Variants in HOOK1 observed in about 807,000 individuals in gnomAD.
HOOK1 encodes hook microtubule tethering protein 1.
HOOK1 carries 60 observed loss-of-function variants against 112.8 expected under a neutral mutation model. That is an observed-to-expected ratio of 0.53 (90% CI 0.43 to 0.66). The LOEUF (loss-of-function observed/expected upper bound fraction) is 0.66, where lower values mean the gene tolerates loss of function less well. Ranked by LOEUF, HOOK1 falls within the 30% of genes least tolerant of loss-of-function variation. The pLI, the probability that HOOK1 is intolerant of heterozygous loss-of-function variation, is 0.00. For missense variants in HOOK1, 770 were observed against 856.0 expected (o/e 0.90, Z 1.25); for synonymous variants, 294 against 283.8 (o/e 1.04, Z -0.36).
chr1:59,849,204 T>C (rs572369810), intron 12 of HOOK1, 21 bp downstream of exon 12: 1 of 1,469,022 alleles, frequency 6.8e-7, no homozygotes, highest in Admixed American at 1.7e-5. Flanking sequence ...ATATAATTGA[T>C]AAGGAATATT....
chr1:59,842,037 T>A (rs1284833253), intron 8 of HOOK1, among the ~76,000 whole-genome samples: 1 of 152,114 alleles, frequency 6.6e-6, no homozygotes, highest in Non-Finnish European at 1.5e-5. Context: ...TGGAGCCACA[T>A]TGAAGCATAT....
intron 7 of HOOK1, among the ~76,000 whole-genome samples, chr1:59,837,235 A>T (rs1337577942): frequency 6.6e-6 from 1 of 152,166 alleles, no homozygotes; most frequent in Non-Finnish European, 1.5e-5. Context: ...GCTAAGTTTT[A>T]ATTTATTTAA....
At chr1:59,871,921 C>T (rs1393568998) in intron 21 of HOOK1, among the ~76,000 whole-genome samples, 1 of 152,058 alleles carries the variant, frequency 6.6e-6, no homozygotes, top group Non-Finnish European at 1.5e-5. Flanking sequence ...CTTAAAGGGC[C>T]CTGAAGGAAA....
chr1:59,830,915 T>G (rs77085640), intron 3 of HOOK1, among the ~76,000 whole-genome samples: 1 of 151,604 alleles, frequency 6.6e-6, no homozygotes, highest in African/African-American at 2.4e-5. Context: ...TTTTTTTTTT[T>G]CCTGAGACAG....
At chr1:59,844,102 A>G (rs2098402410) in intron 9 of HOOK1, among the ~76,000 whole-genome samples, 1 of 151,976 alleles carries the variant, frequency 6.6e-6, no homozygotes, top group African/African-American at 2.4e-5. Context: ...TAATTGTACT[A>G]TACATATTTT....
chr1:59,842,836 T>C lies in HOOK1; in HGVS notation c.622-596T>C, dbSNP rs996434109. Among the ~76,000 whole-genome samples, 4 of 152,172 alleles carry C rather than the reference T, an allele frequency of 2.6e-5. No individual in the cohort carries two copies. The East Asian group carries it at 5.8e-4, about 22-fold the overall frequency. ...TAAAAATATGAATAAAAAAAATTGC[T>C]CCAGGTACTGATAATGATGTGGTTC... On this transcript the variant is annotated intron_variant, in intron 8 of 21. Coordinates refer to ENST00000371208, the MANE Select transcript of HOOK1 (RefSeq NM_015888.6).
chr1:59,853,619 C>A (rs1300793032), intron 12 of HOOK1, among the ~76,000 whole-genome samples: 1 of 151,930 alleles, frequency 6.6e-6, no homozygotes, highest in Non-Finnish European at 1.5e-5. Context: ...GCATTTAGGT[C>A]TACCATTTTA....
At chr1:59,864,849 C>G (rs910376658) in intron 17 of HOOK1, 183 bp downstream of exon 17, 188 of 564,444 alleles carry the variant, frequency 3.3e-4, no homozygotes, top group African/African-American at 3.3e-3. Context: ...GTTCCAAACT[C>G]CTACATCTTT....
chr1:59,840,246 C>T (rs901731246), intron 7 of HOOK1, 62 bp from the exon 8 acceptor site: 11 of 1,122,534 alleles, frequency 9.8e-6, no homozygotes, highest in Middle Eastern at 2.1e-4. Context: ...GTATATTTTT[C>T]TATTTTTCTA....
At chr1:59,831,302 A>G (rs1444614037) in intron 3 of HOOK1, among the ~76,000 whole-genome samples, 1 of 152,174 alleles carries the variant, frequency 6.6e-6, no homozygotes, top group Non-Finnish European at 1.5e-5. Flanking sequence ...TTAGGACTAA[A>G]GTAGACTCAT....
Position 59,859,038 on chromosome 1 carries a change from G to A in HOOK1, c.1384G>A (p.Glu462Lys), listed in dbSNP as rs1254794802. 2 of 1,505,812 alleles carry A rather than the reference G, an allele frequency of 1.3e-6. No individual in the cohort carries two copies. The highest frequency in any genetic ancestry group is 1.9e-5 in the Admixed American group (1 of 52,474). The allele number at this position is 1,505,812 out of a possible 1,614,324, so 93.3% of individuals were successfully genotyped here. Residue 462 changes from glutamate (E) to lysine (K), a missense_variant, in exon 14 of 22, where the codon GAA becomes AAA. By Grantham distance (56) the Glu-to-Lys change is moderately conservative. This residue lies in a region of HOOK1 where 655 missense variants were observed against 725.9 expected (regional missense o/e 0.90). Transcript: ENST00000371208. ...ENLAAEIMPV[E>K]YREVFIRLQH... is the part of the protein sequence containing the mutation. ...TCTTGCTGCTGAGATTATGCCAGTG[G>A]AATATAGGTAAATTTGTTTCATAAT...
At chr1:59,820,295 C>G (rs2098384666) in intron 1 of HOOK1, among the ~76,000 whole-genome samples, 1 of 152,192 alleles carries the variant, frequency 6.6e-6, no homozygotes, top group Non-Finnish European at 1.5e-5. Context: ...TTTGCTATTT[C>G]ACTTAATTCC....
chr1:59,872,567 T>TA (rs1449635778), intron 21 of HOOK1, among the ~76,000 whole-genome samples: 3 of 152,190 alleles, frequency 2.0e-5, no homozygotes, highest in Non-Finnish European at 4.4e-5. Context: ...GTTACTGTTT[T>TA]AAATAATTTT....
In HOOK1 at chr1:59,875,443, T is replaced by C. The variant is rs1644117272; in HGVS notation, c.*2478T>C. 1 of 152,596 alleles carries C rather than the reference T, an allele frequency of 6.6e-6. No individual in the cohort carries two copies. Among genetic ancestry groups the C allele is most frequent in the South Asian group, 2.1e-4 (1 of 4,826 alleles). 9.5% of individuals were successfully genotyped at this position (152,596 alleles called of 1,614,324 possible). The stretch of plus-strand genomic sequence containing the variant: ...AATCATACAGAAATTCAGGAACTGA[T>C]CAGAAGTGAGATTCTTTTCCACATC... On this transcript the variant is annotated 3_prime_UTR_variant, in exon 22 of 22. Transcript: ENST00000371208.
chr1:59,872,220 A>T (rs550211993), intron 21 of HOOK1, among the ~76,000 whole-genome samples: 3 of 152,350 alleles, frequency 2.0e-5, no homozygotes, highest in African/African-American at 7.2e-5. Flanking sequence ...AACAGCCAAA[A>T]TATGGTAATT....
intron 1 of HOOK1, 109 bp from the exon 2 acceptor site, chr1:59,821,748 TG>T (rs1186804399): frequency 1.1e-5 from 8 of 709,076 alleles, no homozygotes; most frequent in African/African-American, 1.1e-4. Flanking sequence ...AACAGGACCA[TG>T]TTTTTTTTTT....
chr1:59,823,058 A>C lies in HOOK1; in HGVS notation c.149+1115A>C, dbSNP rs7546024. ...TTGATTGGCCGGGTGCGGTGGCTCAAGCCTGTAATCCCAGCACTTCGGGAG... is the reference window on the plus strand; with the variant it reads ...TTGATTGGCCGGGTGCGGTGGCTCACGCCTGTAATCCCAGCACTTCGGGAG... On this transcript the variant is annotated intron_variant, in intron 2 of 21. Coordinates refer to ENST00000371208, the MANE Select transcript of HOOK1 (RefSeq NM_015888.6). Among the ~76,000 whole-genome samples the C allele has an allele frequency of 8.1e-3, 1,237 of 152,256 alleles. 13 individuals are homozygous for C. The highest frequency in any genetic ancestry group is 0.017 in the African/African-American group (697 of 41,562).
At chr1:59,823,326 C>A (rs973757544) in intron 2 of HOOK1, among the ~76,000 whole-genome samples, 12 of 152,052 alleles carry the variant, frequency 7.9e-5, no homozygotes, top group Non-Finnish European at 1.3e-4. Context: ...TCTCAAAAAA[C>A]AAAAAACAAA....
At chr1:59,832,642 G>A (rs1435496106) in intron 4 of HOOK1, among the ~76,000 whole-genome samples, 1 of 152,026 alleles carries the variant, frequency 6.6e-6, no homozygotes, top group African/African-American at 2.4e-5. Flanking sequence ...GTATTATAAA[G>A]TCACTTTAGA....
Sources: allele counts gnomAD v4.1 joint callset (sites outside exome capture counted in the v4.1 genomes callset), GRCh38; gene constraint gnomAD v4.1.1; regional missense constraint gnomAD v4.1.1; transcripts MANE v1.5; gene names NCBI Gene and HGNC (gene_info 2026-07-23, HGNC 2026-07-21).